ABCG4: variants seen among roughly 807,000 people sequenced by gnomAD.
ABCG4 encodes ATP binding cassette subfamily G member 4.
A neutral mutation model predicts 64.6 loss-of-function variants in ABCG4; 35 were observed. The ratio of observed to expected loss-of-function variants is 0.54; its 90% CI spans 0.41 to 0.72. ABCG4 has a LOEUF of 0.72. Ranked by LOEUF, ABCG4 falls within the 30% of genes least tolerant of loss-of-function variation. The pLI is 0.00. For missense variants in ABCG4, 610 were observed against 846.3 expected, an observed-to-expected ratio of 0.72 and a Z score of 3.46; for synonymous variants, 326 against 348.2, an observed-to-expected ratio of 0.94 and a Z score of 0.71.
Position 119,158,423 on chromosome 11 carries a change from T to C in ABCG4, c.1167+91T>C. On this transcript the variant is annotated intron_variant, in intron 10 of 14. Coordinates refer to ENST00000619701, the MANE Select transcript of ABCG4 (RefSeq NM_022169.5). The surrounding 1 kb of genome is among the most constrained non-coding windows in gnomAD (Gnocchi z 4.5). The stretch of plus-strand genomic sequence containing the variant: ...GCAGCTGAAATGGGAATGGGGACCC[T>C]CCCTCACAGCCCTGCAATGTGCCTG... The C allele has an allele frequency of 6.4e-7, 1 of 1,554,882 alleles. No individual in the cohort carries two copies. The highest frequency in any genetic ancestry group is 8.9e-7 in the Non-Finnish European group (1 of 1,127,786).
chr11:119,158,607 C>G lies in ABCG4; in HGVS notation c.1218C>G (p.Ile406Met). The G allele has an allele frequency of 6.2e-7, 1 of 1,614,222 alleles. No homozygotes were observed. Among genetic ancestry groups the G allele is most frequent in the South Asian group, 1.1e-5 (1 of 91,086 alleles). Residue 406 changes from isoleucine (I) to methionine (M), a missense_variant, in exon 11 of 15, where the codon ATC becomes ATG. Ile to Met is a conservative substitution (Grantham distance 10, BLOSUM62 1). Coordinates refer to ENST00000619701, the MANE Select transcript of ABCG4 (RefSeq NM_022169.5). The surrounding 1 kb of genome is among the most constrained non-coding windows in gnomAD (Gnocchi z 4.5). ...CCCACGTGGTTATTGGCGTGCTCAT[C>G]GGCCTCCTCTACCTGCATATTGGCG... is the stretch of plus-strand genomic sequence containing the variant. ...FMSHVVIGVLIGLLYLHIGDD... is the reference protein window; with the variant it reads ...FMSHVVIGVLMGLLYLHIGDD...
rs1411704573 is a variant in ABCG4 at position 119,160,512 on chromosome 11, G to C, written c.1597-26G>C. Reference sequence around the variant, plus strand: ...GTTTGTCCTGGTCACCCCTATGATGGCCTGGCCCCCTCCCTTCCCCTCTAG... The same window carrying C: ...GTTTGTCCTGGTCACCCCTATGATGCCCTGGCCCCCTCCCTTCCCCTCTAG... On this transcript the variant is annotated intron_variant, in intron 13 of 14. Coordinates refer to ENST00000619701, the MANE Select transcript of ABCG4 (RefSeq NM_022169.5). The surrounding 1 kb of genome is among the most constrained non-coding windows in gnomAD (Gnocchi z 4.6). 2 of 1,606,742 alleles carry C rather than the reference G, an allele frequency of 1.2e-6. No homozygotes were observed. Among genetic ancestry groups the C allele is most frequent in the African/African-American group, 2.7e-5 (2 of 74,828 alleles).
Position 119,161,143 on chromosome 11 carries a change from G to A in ABCG4, c.*37G>A. 1 of 1,587,528 alleles carries A rather than the reference G, an allele frequency of 6.3e-7. No homozygotes were observed. The highest frequency in any genetic ancestry group is 8.6e-7 in the Non-Finnish European group (1 of 1,162,192). ...AGCCTGTACCCCAGCCCCTGCAGCA[G>A]GAAGCCCCCAGTCCCAGCCCTTTGG... On this transcript the variant is annotated 3_prime_UTR_variant, in exon 15 of 15. Coordinates refer to ENST00000619701, the MANE Select transcript of ABCG4 (RefSeq NM_022169.5).
chr11:119,149,947 C>T lies in ABCG4; in HGVS notation c.-12-7C>T, dbSNP rs756884348. On this transcript the variant is annotated splice_region_variant and splice_polypyrimidine_tract_variant and intron_variant, in intron 1 of 14. Transcript: ENST00000619701. The surrounding 1 kb of genome is among the most constrained non-coding windows in gnomAD (Gnocchi z 8.3). ...TGCCCCAAACTGAGCAGGCCCTCCC[C>T]TTGCAGGTCGGCGGCGTGATGGCGG... 3 of 1,599,810 alleles carry T rather than the reference C, an allele frequency of 1.9e-6. No individual in the cohort carries two copies. Among genetic ancestry groups the T allele is most frequent in the East Asian group, 2.2e-5 (1 of 44,786 alleles).
chr11:119,150,337 C>T lies in ABCG4; in HGVS notation c.238+134C>T. ...TGTGGAAACACTAAAATCTGGGCCC[C>T]AGCCCGTTGCTCACTGTGCACTCTT... On this transcript the variant is annotated intron_variant, in intron 2 of 14. Transcript: ENST00000619701. The surrounding 1 kb of genome is among the most constrained non-coding windows in gnomAD (Gnocchi z 4.3). 1 of 1,270,394 alleles carries T rather than the reference C, an allele frequency of 7.9e-7. No individual in the cohort carries two copies. The highest frequency in any genetic ancestry group is 1.1e-6 in the Non-Finnish European group (1 of 924,198). 78.7% of individuals were successfully genotyped at this position (1,270,394 alleles called of 1,614,324 possible). A position where few individuals can be genotyped will look rare whatever the true frequency, so the allele number is the denominator to read the frequency against.
chr11:119,154,416 C>G lies in ABCG4; in HGVS notation c.489+24C>G, dbSNP rs755870945. The stretch of plus-strand genomic sequence containing the variant: ...TGGTGAGGGCTGGATAGTCACCCCT[C>G]CTCCCAGCAACCCCCTCTGTCTGCT... On this transcript the variant is annotated intron_variant, in intron 4 of 14. Coordinates refer to ENST00000619701, the MANE Select transcript of ABCG4 (RefSeq NM_022169.5). The surrounding 1 kb of genome is among the most constrained non-coding windows in gnomAD (Gnocchi z 7.0). 1.9e-6 allele frequency: 3 copies of G among 1,614,022 alleles called. No individual in the cohort carries two copies. Among genetic ancestry groups the G allele is most frequent in the Admixed American group, 1.7e-5 (1 of 60,002 alleles).
chr11:119,153,930 A>C (rs966451417), intron 2 of ABCG4, 96 bp from the exon 3 acceptor site: 1 of 1,007,766 alleles, frequency 9.9e-7, no homozygotes, highest in African/African-American at 1.6e-5. Flanking sequence ...AGTAGGGGCT[A>C]CCTATTTCAC....
chr11:119,159,223 G>A (rs994447741), intron 12 of ABCG4, among the ~76,000 whole-genome samples: 1 of 152,238 alleles, frequency 6.6e-6, no homozygotes, highest in Admixed American at 6.5e-5. Context: ...GCAGTGGCTT[G>A]CGCCTGTAAT....
rs1367006399 is a variant in ABCG4, at chr11:119,150,195, G to A, written c.230G>A (p.Arg77His). Residue 77 changes from arginine to histidine, a missense_variant, in exon 2 of 15, where the codon CGC (arginine) becomes CAC (histidine). Physicochemically the swap from Arg to His is conservative, Grantham distance 29. Coordinates refer to ENST00000619701, the MANE Select transcript of ABCG4 (RefSeq NM_022169.5). This position sits in a 1 kb window ranked among gnomAD's most constrained non-coding sequence, Gnocchi z 4.3. Reference sequence around the variant, plus strand: ...TCCGTGCGGGAGGGGCCCTGCTGGCGCAAAAGGGGTAGGGAACAGCCTGGT... The same window carrying A: ...TCCGTGCGGGAGGGGCCCTGCTGGCACAAAAGGGGTAGGGAACAGCCTGGT... The part of the protein sequence containing the change: ...SYSVREGPCW[R>H]KRGYKTLLKC... 5 of 1,613,518 alleles carry A rather than the reference G, an allele frequency of 3.1e-6. No individual in the cohort carries two copies. The highest frequency in any genetic ancestry group is 2.2e-5 in the South Asian group (2 of 91,084).
chr11:119,152,251 C>T (rs1381318069), intron 2 of ABCG4, among the ~76,000 whole-genome samples: 1 of 152,232 alleles, frequency 6.6e-6, no homozygotes, highest in African/African-American at 2.4e-5. Flanking sequence ...CACTAGATGT[C>T]TCTGGGCCCC....
intron 9 of ABCG4, 112 bp downstream of exon 9, chr11:119,157,126 G>T: frequency 7.1e-7 from 1 of 1,417,616 alleles, no homozygotes; most frequent in Non-Finnish European, 9.4e-7. Flanking sequence ...ACCAATGGGT[G>T]CTAGGAAGAA....
At position 119,157,091 on chromosome 11, in the gene ABCG4, G is replaced by A. The variant is rs1007901438; in HGVS notation, c.1068+77G>A. On this transcript the variant is annotated intron_variant, in intron 9 of 14. Coordinates refer to ENST00000619701, the MANE Select transcript of ABCG4 (RefSeq NM_022169.5). Reference sequence around the variant, plus strand: ...GACCATGGACAGTGGCCCTGCCAAAGAGGCTGTTCCCCAGAGGCATTGCAA... The same window carrying A: ...GACCATGGACAGTGGCCCTGCCAAAAAGGCTGTTCCCCAGAGGCATTGCAA... 1.5e-5 allele frequency: 22 copies of A among 1,516,000 alleles called. No homozygotes were observed. The Admixed American group carries it at 4.4e-4, about 31-fold the overall frequency. The allele number at this position is 1,516,000 out of a possible 1,614,324, so 93.9% of individuals were successfully genotyped here.
At position 119,150,349 on chromosome 11, in the gene ABCG4, C is replaced by A; in HGVS notation, c.238+146C>A. 2 of 1,145,898 alleles carry A rather than the reference C, an allele frequency of 1.7e-6. No homozygotes were observed. The highest frequency in any genetic ancestry group is 1.5e-5 in the South Asian group (1 of 66,514). The allele number at this position is 1,145,898 out of a possible 1,614,324, so 71.0% of individuals were successfully genotyped here. A position where few individuals can be genotyped will look rare whatever the true frequency, so the allele number is the denominator to read the frequency against. On this transcript the variant is annotated intron_variant, in intron 2 of 14. Transcript: ENST00000619701. This position sits in a 1 kb window ranked among gnomAD's most constrained non-coding sequence, Gnocchi z 4.3. ...AAAATCTGGGCCCCAGCCCGTTGCT[C>A]ACTGTGCACTCTTGGGGTGTCAGGA...
chr11:119,151,852 G>C (rs1427284844), intron 2 of ABCG4, among the ~76,000 whole-genome samples: 3 of 152,230 alleles, frequency 2.0e-5, no homozygotes, highest in Non-Finnish European at 4.4e-5. Context: ...GTGGGACATG[G>C]GTTCCTAGTC....
rs1948323965 is a variant in ABCG4 at position 119,160,047 on chromosome 11, A to G, written c.1438-180A>G. On this transcript the variant is annotated intron_variant, in intron 12 of 14. Coordinates refer to ENST00000619701, the MANE Select transcript of ABCG4 (RefSeq NM_022169.5). This position sits in a 1 kb window ranked among gnomAD's most constrained non-coding sequence, Gnocchi z 4.6. ...ACGTGAGACGAGATAAGTGATGGTCATATGGCCAGGGAGGAAGGGGACGTG... is the reference window on the plus strand; with the variant it reads ...ACGTGAGACGAGATAAGTGATGGTCGTATGGCCAGGGAGGAAGGGGACGTG... Among the ~76,000 whole-genome samples the G allele has an allele frequency of 6.6e-6, 1 of 151,982 alleles. No individual in the cohort carries two copies. Among genetic ancestry groups the G allele is most frequent in the Non-Finnish European group, 1.5e-5 (1 of 67,998 alleles).
At chr11:119,157,935 A>G (rs1214475172) in intron 9 of ABCG4, among the ~76,000 whole-genome samples, 1 of 151,276 alleles carries the variant, frequency 6.6e-6, no homozygotes, top group Admixed American at 6.6e-5. Context: ...CTTAGAGTTC[A>G]TGTGTTTTGA....
At position 119,150,368 on chromosome 11, in the gene ABCG4, G is replaced by A. The variant is rs1365230929; in HGVS notation, c.238+165G>A. ...GTTGCTCACTGTGCACTCTTGGGGTGTCAGGATCTACGCTCCCCCACACCT... is the reference window on the plus strand; with the variant it reads ...GTTGCTCACTGTGCACTCTTGGGGTATCAGGATCTACGCTCCCCCACACCT... On this transcript the variant is annotated intron_variant, in intron 2 of 14. Coordinates refer to ENST00000619701, the MANE Select transcript of ABCG4 (RefSeq NM_022169.5). The surrounding 1 kb of genome is among the most constrained non-coding windows in gnomAD (Gnocchi z 4.3). Among the ~76,000 whole-genome samples the A allele has an allele frequency of 6.6e-6, 1 of 152,178 alleles. No individual in the cohort carries two copies. Among genetic ancestry groups the A allele is most frequent in the African/African-American group, 2.4e-5 (1 of 41,432 alleles).
rs1223177330 is a variant in ABCG4, at chr11:119,155,285, C to G, written c.686+370C>G. Reference sequence around the variant, plus strand: ...TCTTATCTGCTTGTCTCCAGTGTCTCCCAGTCAATCCTTTCTCCAAACTGC... The same window carrying G: ...TCTTATCTGCTTGTCTCCAGTGTCTGCCAGTCAATCCTTTCTCCAAACTGC... On this transcript the variant is annotated intron_variant, in intron 6 of 14. Coordinates refer to ENST00000619701, the MANE Select transcript of ABCG4 (RefSeq NM_022169.5). This position sits in a 1 kb window ranked among gnomAD's most constrained non-coding sequence, Gnocchi z 4.5. Among the ~76,000 whole-genome samples, 4 of 152,060 alleles carry G rather than the reference C, an allele frequency of 2.6e-5. No homozygotes were observed. Among genetic ancestry groups the G allele is most frequent in the Non-Finnish European group, 5.9e-5 (4 of 67,992 alleles).
Position 119,156,193 on chromosome 11 carries a change from A to C in ABCG4, c.687-136A>C. On this transcript the variant is annotated intron_variant, in intron 6 of 14. Coordinates refer to ENST00000619701, the MANE Select transcript of ABCG4 (RefSeq NM_022169.5). This position sits in a 1 kb window ranked among gnomAD's most constrained non-coding sequence, Gnocchi z 5.5. ...GTATCCCTCCAAGTGCCTGAACCGT[A>C]AAGGATACAGATGCGGCCAGAGTGC... The C allele has an allele frequency of 3.3e-6, 4 of 1,203,492 alleles. No individual in the cohort carries two copies. Among genetic ancestry groups the C allele is most frequent in the Non-Finnish European group, 4.7e-6 (4 of 843,766 alleles). The allele number at this position is 1,203,492 out of a possible 1,614,324, so 74.6% of individuals were successfully genotyped here. A position where few individuals can be genotyped will look rare whatever the true frequency, so the allele number is the denominator to read the frequency against.
Sources: gnomAD v4.1 joint callset for allele counts (sites outside exome capture counted in the v4.1 genomes callset) on GRCh38, gnomAD v4.1.1 for gene constraint, Gnocchi (gnomAD v3.1) non-coding constraint, MANE v1.5 for transcripts, NCBI Gene and HGNC (gene_info 2026-07-23, HGNC 2026-07-21) for gene names.